Variants in BICC1 observed in about 807,000 individuals in gnomAD.
BICC1 encodes protein bicaudal C homolog 1.
BICC1 carries 43 observed loss-of-function variants against 111.0 expected under a neutral mutation model. The ratio of observed to expected loss-of-function variants is 0.39; its 90% CI spans 0.30 to 0.50. The LOEUF is 0.50. Ranked by LOEUF, BICC1 falls within the 20% of genes least tolerant of loss-of-function variation. BICC1 has a pLI of 0.88. For synonymous variants in BICC1, 467 were observed against 434.4 expected, an observed-to-expected ratio of 1.07 and a Z score of -0.93; for missense variants, 1,091 against 1,203.2, an observed-to-expected ratio of 0.91 and a Z score of 1.38.
In BICC1 at chr10:58,829,190, G is replaced by GTTTTTT; in HGVS notation, c.*299_*300insTTTTTT. 1 of 73,608 alleles carries GTTTTTT rather than the reference G, an allele frequency of 1.4e-5. No homozygotes were observed. Among genetic ancestry groups the GTTTTTT allele is most frequent in the African/African-American group, 7.3e-5 (1 of 13,738 alleles). 4.6% of individuals were successfully genotyped at this position (73,608 alleles called of 1,614,324 possible). A position where few individuals can be genotyped will look rare whatever the true frequency, so the allele number is the denominator to read the frequency against. ...TTACCTATATAACATATGCACTGAT[G>GTTTTTT]ATTTTTTTTTTTTTTTTTTTTTTTT... is the stretch of plus-strand genomic sequence containing the variant. On this transcript the variant is annotated 3_prime_UTR_variant, in exon 21 of 21. Coordinates refer to ENST00000373886, the MANE Select transcript of BICC1 (RefSeq NM_001080512.3).
chr10:58,700,077 C>G (rs1022234111), intron 2 of BICC1, among the ~76,000 whole-genome samples: 1 of 152,120 alleles, frequency 6.6e-6, no homozygotes, highest in African/African-American at 2.4e-5. Flanking sequence ...CTGCTGTATA[C>G]AGGGCAGAGA....
At chr10:58,826,849 A>G (rs946229204) in intron 20 of BICC1, among the ~76,000 whole-genome samples, 1 of 152,242 alleles carries the variant, frequency 6.6e-6, no homozygotes, top group Admixed American at 6.5e-5. Flanking sequence ...AGTCACGTTT[A>G]TGATCAGGAC....
At chr10:58,797,597 G>A (rs1228665566) in intron 10 of BICC1, among the ~76,000 whole-genome samples, 1 of 152,098 alleles carries the variant, frequency 6.6e-6, no homozygotes, top group African/African-American at 2.4e-5. Flanking sequence ...CAGGAACCTA[G>A]TTCATCCTGC....
intron 3 of BICC1, among the ~76,000 whole-genome samples, chr10:58,766,136 G>C (rs1392039035): frequency 6.6e-6 from 1 of 152,202 alleles, no homozygotes; most frequent in Non-Finnish European, 1.5e-5. Flanking sequence ...TGGCAGGACA[G>C]TGGTATCACT....
intron 2 of BICC1, among the ~76,000 whole-genome samples, chr10:58,630,259 G>C (rs764254234): frequency 6.6e-6 from 1 of 152,120 alleles, no homozygotes; most frequent in Non-Finnish European, 1.5e-5. Context: ...TGTTGATCAT[G>C]GGAAAGCTGG....
At chr10:58,691,845 C>G (rs1839918765) in intron 2 of BICC1, among the ~76,000 whole-genome samples, 1 of 152,108 alleles carries the variant, frequency 6.6e-6, no homozygotes, top group Non-Finnish European at 1.5e-5. Context: ...CTGGGAGAAT[C>G]CTGCCAGTGA....
chr10:58,581,481 A>G (rs746292663), intron 1 of BICC1, among the ~76,000 whole-genome samples: 2 of 152,218 alleles, frequency 1.3e-5, no homozygotes, highest in Non-Finnish European at 2.9e-5. Context: ...AAAAGAAAAA[A>G]TCAAGGCACA....
intron 2 of BICC1, among the ~76,000 whole-genome samples, chr10:58,688,070 G>A (rs1839797196): frequency 6.6e-6 from 1 of 152,102 alleles, no homozygotes; most frequent in African/African-American, 2.4e-5. Flanking sequence ...CCGACTTCAC[G>A]AGTGAAGCTG....
chr10:58,598,158 A>G (rs1421766866), intron 1 of BICC1, among the ~76,000 whole-genome samples: 1 of 151,610 alleles, frequency 6.6e-6, no homozygotes, highest in Admixed American at 6.6e-5. Flanking sequence ...TTCTCACAAC[A>G]TAAAACTTCA....
chr10:58,557,574 TTAGA>T (rs1360367471), intron 1 of BICC1, among the ~76,000 whole-genome samples: 1 of 152,048 alleles, frequency 6.6e-6, no homozygotes, highest in Non-Finnish European at 1.5e-5. Flanking sequence ...CCATTTAACT[TTAGA>T]TAATTTCTGT....
chr10:58,743,942 C>T (rs1841750580), intron 3 of BICC1, among the ~76,000 whole-genome samples: 1 of 152,044 alleles, frequency 6.6e-6, no homozygotes, highest in Non-Finnish European at 1.5e-5. Context: ...GTTCCCGTGA[C>T]AACACAACTT....
At chr10:58,569,740 C>G (rs1228222372) in intron 1 of BICC1, among the ~76,000 whole-genome samples, 1 of 152,164 alleles carries the variant, frequency 6.6e-6, no homozygotes, top group Non-Finnish European at 1.5e-5. Flanking sequence ...TATATGGCTG[C>G]ATAGTATTCC....
intron 2 of BICC1, among the ~76,000 whole-genome samples, chr10:58,694,649 G>A (rs1477121027): frequency 3.3e-5 from 5 of 152,056 alleles, no homozygotes; most frequent in Non-Finnish European, 7.4e-5. Context: ...GCCACTTGAC[G>A]GCATTCCATT....
At chr10:58,606,585 A>G (rs918153396) in intron 1 of BICC1, among the ~76,000 whole-genome samples, 42 of 151,834 alleles carry the variant, frequency 2.8e-4, no homozygotes, top group African/African-American at 1.0e-3. Context: ...AATAAAATAA[A>G]TTTTCCCTAG....
At chr10:58,565,353 T>C (rs1204037612) in intron 1 of BICC1, among the ~76,000 whole-genome samples, 2 of 152,160 alleles carry the variant, frequency 1.3e-5, no homozygotes, top group Non-Finnish European at 2.9e-5. Context: ...TGCAGGAGCT[T>C]TTGGAATGTT....
At chr10:58,773,695 G>C (rs985398866) in intron 3 of BICC1, among the ~76,000 whole-genome samples, 3 of 152,188 alleles carry the variant, frequency 2.0e-5, no homozygotes, top group Non-Finnish European at 2.9e-5. Context: ...ATAGCCCCAG[G>C]GCAGGGGCAA....
intron 2 of BICC1, among the ~76,000 whole-genome samples, chr10:58,701,194 AATTC>A (rs1840223802): frequency 6.6e-6 from 1 of 152,214 alleles, no homozygotes; most frequent in African/African-American, 2.4e-5. Context: ...ATCCCAGTCT[AATTC>A]AAGTGATTAA....
intron 1 of BICC1, among the ~76,000 whole-genome samples, chr10:58,539,552 A>G (rs1225524793): frequency 2.0e-5 from 3 of 151,786 alleles, no homozygotes; most frequent in Non-Finnish European, 4.4e-5. Flanking sequence ...AAAATTTTTG[A>G]AGTACATTAT....
intron 1 of BICC1, among the ~76,000 whole-genome samples, chr10:58,552,463 G>A (rs1394427979): frequency 1.3e-5 from 2 of 152,060 alleles, no homozygotes; most frequent in Admixed American, 1.3e-4. Flanking sequence ...AGCCTCCTGA[G>A]TAGCTGGGAC....
Sources: allele counts gnomAD v4.1 joint callset (sites outside exome capture counted in the v4.1 genomes callset), GRCh38; gene constraint gnomAD v4.1.1; transcripts MANE v1.5; gene names NCBI Gene and HGNC (gene_info 2026-07-23, HGNC 2026-07-21).